The following SYT10 variants were observed in gnomAD, a reference collection of about 807,000 sequenced individuals.
The protein encoded by SYT10 is synaptotagmin 10, also known as synaptotagmin-10.
A neutral mutation model predicts 51.1 loss-of-function variants in SYT10; 31 were observed. The observed-to-expected ratio is 0.61, with a 90% CI of 0.46 to 0.82. The LOEUF (loss-of-function observed/expected upper bound fraction) is 0.82. SYT10 is among the 40% of genes least tolerant of loss of function. SYT10 has a pLI of 0.00. For missense variants in SYT10, 603 were observed against 634.0 expected (o/e 0.95, Z 0.53); for synonymous variants, 233 against 225.9 (o/e 1.03, Z -0.28).
In SYT10 at chr12:33,407,480, TAGAC is replaced by T. The variant is rs1251078625; in HGVS notation, c.510-128_510-125del. 1.5e-4 allele frequency: 145 copies of T among 958,698 alleles called. No individual in the cohort carries two copies. The African/African-American group carries it at 2.2e-3, about 15-fold the overall frequency. The allele number at this position is 958,698 out of a possible 1,614,324, so 59.4% of individuals were successfully genotyped here. On this transcript the variant is annotated intron_variant, in intron 2 of 6. Transcript: ENST00000228567. The stretch of plus-strand genomic sequence containing the variant: ...GAAAAGATATCTATATCTACATAGA[TAGAC>T]ACATACATATAATCAAAGAGGTACT...
chr12:33,422,197 C>T lies in SYT10; in HGVS notation c.509+3941G>A, dbSNP rs527722475. ...TGTGGGGGTATATGGAACCAAAATG[C>T]TAATGGTAGCTTGGTATAATCATAG... is the stretch of plus-strand genomic sequence containing the variant. On this transcript the variant is annotated intron_variant, in intron 2 of 6. Coordinates refer to ENST00000228567, the MANE Select transcript of SYT10 (RefSeq NM_198992.4). Among the ~76,000 whole-genome samples, 5 of 152,082 alleles carry T rather than the reference C, an allele frequency of 3.3e-5. No homozygotes were observed. In the South Asian group the frequency reaches 1.0e-3, roughly 32 times the overall value.
chr12:33,395,948 A>G (rs1866252431), intron 3 of SYT10, among the ~76,000 whole-genome samples: 1 of 152,186 alleles, frequency 6.6e-6, no homozygotes, highest in Non-Finnish European at 1.5e-5. Flanking sequence ...TGAACTAGGA[A>G]TGAAAGATTT....
At chr12:33,411,173 A>T (rs1866401395) in intron 2 of SYT10, among the ~76,000 whole-genome samples, 3 of 152,216 alleles carry the variant, frequency 2.0e-5, no homozygotes, top group Admixed American at 6.5e-5. Flanking sequence ...ATTAATGGTT[A>T]TCCTATTTGA....
At chr12:33,426,641 A>G in intron 1 of SYT10, 146 bp from the exon 2 acceptor site, 1 of 805,776 alleles carries the variant, frequency 1.2e-6, no homozygotes, top group Non-Finnish European at 1.8e-6. Flanking sequence ...TAGGAAGAAA[A>G]GGTTAATAAT....
intron 3 of SYT10, among the ~76,000 whole-genome samples, chr12:33,395,163 G>A (rs1280040381): frequency 6.6e-6 from 1 of 152,150 alleles, no homozygotes; most frequent in Non-Finnish European, 1.5e-5. Flanking sequence ...AAACAAAATT[G>A]TTTTTGTGGT....
At chr12:33,431,122 A>C (rs1866593349) in intron 1 of SYT10, among the ~76,000 whole-genome samples, 1 of 152,158 alleles carries the variant, frequency 6.6e-6, no homozygotes, top group African/African-American at 2.4e-5. Flanking sequence ...GCAAGCTACT[A>C]CGTCCATATT....
At chr12:33,401,652 A>C (rs561301888) in intron 3 of SYT10, among the ~76,000 whole-genome samples, 1 of 152,256 alleles carries the variant, frequency 6.6e-6, no homozygotes, top group East Asian at 1.9e-4. Context: ...CCATACCCTG[A>C]ATATTAAAAA....
chr12:33,435,842 T>C lies in SYT10; in HGVS notation c.151+3530A>G, dbSNP rs183198240. 1.8e-3 allele frequency among the ~76,000 whole-genome samples: 273 copies of C among 152,306 alleles called. 5 individuals are homozygous for C. Among genetic ancestry groups the C allele is most frequent in the Admixed American group, 0.014 (213 of 15,294 alleles). On this transcript the variant is annotated intron_variant, in intron 1 of 6. Transcript: ENST00000228567. The stretch of plus-strand genomic sequence containing the variant: ...ATCCCTTTTCTTGTCAGTTAAGTAC[T>C]TTAATAAAATTATTTCCCATATACC...
chr12:33,415,250 A>C (rs1339374542), intron 2 of SYT10, among the ~76,000 whole-genome samples: 1 of 152,200 alleles, frequency 6.6e-6, no homozygotes, highest in African/African-American at 2.4e-5. Flanking sequence ...TATATTATAT[A>C]TGACTTTCCC....
intron 2 of SYT10, among the ~76,000 whole-genome samples, chr12:33,425,423 G>A (rs1348434867): frequency 2.6e-5 from 4 of 151,990 alleles, no homozygotes; most frequent in Non-Finnish European, 5.9e-5. Context: ...AATACAATTA[G>A]AATATACTGC....
chr12:33,423,059 T>C (rs1866519312), intron 2 of SYT10, among the ~76,000 whole-genome samples: 1 of 152,132 alleles, frequency 6.6e-6, no homozygotes, highest in Admixed American at 6.5e-5. Flanking sequence ...CTGGGTTGTT[T>C]GGTTGCCTGG....
chr12:33,393,333 C>CA (rs531085699), intron 3 of SYT10, among the ~76,000 whole-genome samples: 140 of 152,226 alleles, frequency 9.2e-4, no homozygotes, highest in African/African-American at 3.2e-3. Context: ...CTTCTGGATG[C>CA]AAAAAACCAG....
At chr12:33,407,445 C>A in intron 2 of SYT10, 89 bp from the exon 3 acceptor site, 1 of 1,356,990 alleles carries the variant, frequency 7.4e-7, no homozygotes, top group Non-Finnish European at 1.0e-6. Context: ...TTCCCCACCC[C>A]CAGAATAGTG....
At chr12:33,415,882 T>G (rs1866448640) in intron 2 of SYT10, among the ~76,000 whole-genome samples, 1 of 152,190 alleles carries the variant, frequency 6.6e-6, no homozygotes. Flanking sequence ...AATAATCCAT[T>G]GACCTCTATA....
At chr12:33,386,945 C>T (rs912097050) in intron 3 of SYT10, among the ~76,000 whole-genome samples, 17 of 152,140 alleles carry the variant, frequency 1.1e-4, no homozygotes, top group Non-Finnish European at 1.6e-4. Flanking sequence ...TGGTCTTTGA[C>T]TGCATAGATG....
rs1866506718 is a variant in SYT10, at chr12:33,421,738, G to C, written c.509+4400C>G. 2.6e-5 allele frequency among the ~76,000 whole-genome samples: 4 copies of C among 152,184 alleles called. No individual in the cohort carries two copies. The South Asian group carries it at 8.3e-4, about 32-fold the overall frequency. ...ACAGCTGGAGCTCAATATTAAGATA[G>C]AAAATAATTGCTAGATTGTAATTAC... On this transcript the variant is annotated intron_variant, in intron 2 of 6. Coordinates refer to ENST00000228567, the MANE Select transcript of SYT10 (RefSeq NM_198992.4).
At chr12:33,411,079 A>G (rs1866400786) in intron 2 of SYT10, among the ~76,000 whole-genome samples, 1 of 152,212 alleles carries the variant, frequency 6.6e-6, no homozygotes, top group Non-Finnish European at 1.5e-5. Context: ...CTTGCTGGTA[A>G]GCAGGTGCTA....
intron 1 of SYT10, among the ~76,000 whole-genome samples, chr12:33,438,223 CTCT>C (rs1866653679): frequency 6.6e-6 from 1 of 152,192 alleles, no homozygotes; most frequent in Non-Finnish European, 1.5e-5. Context: ...GGCTGTCCAG[CTCT>C]TGTTGCCCTG....
chr12:33,392,985 T>TAAAAAAAAAAAAAAAA (rs71068378), intron 3 of SYT10, among the ~76,000 whole-genome samples: 19 of 59,078 alleles, frequency 3.2e-4, no homozygotes, highest in East Asian at 1.9e-3. Context: ...TTTTTGCCAT[T>TAAAAAAAAAAAAAAAA]AAAAAAAAAA....
Sources: allele counts gnomAD v4.1 joint callset (sites outside exome capture counted in the v4.1 genomes callset), GRCh38; gene constraint gnomAD v4.1.1; transcripts MANE v1.5; gene names NCBI Gene and HGNC (gene_info 2026-07-23, HGNC 2026-07-21).